PLCB1: variants seen among roughly 807,000 people sequenced by gnomAD.
PLCB1 encodes 1-phosphatidylinositol 4,5-bisphosphate phosphodiesterase beta-1.
PLCB1 carries 46 observed loss-of-function variants against 161.8 expected under a neutral mutation model. The observed-to-expected ratio is 0.28, with a 90% CI of 0.22 to 0.36. The LOEUF (loss-of-function observed/expected upper bound fraction) is 0.36. Ranked by LOEUF, PLCB1 falls within the 10% of genes least tolerant of loss-of-function variation. The probability of loss-of-function intolerance (pLI) is 1.00; values close to 1 mark genes in which losing one functional copy is unlikely to be tolerated. For synonymous variants in PLCB1, 517 were observed against 503.7 expected (o/e 1.03, Z -0.35); for missense variants, 1,016 against 1,472.5 (o/e 0.69, Z 5.07).
intron 11 of PLCB1, among the ~76,000 whole-genome samples, chr20:8,705,351 C>T (rs908417943): frequency 1.6e-4 from 24 of 152,140 alleles, no homozygotes; most frequent in Non-Finnish European, 3.2e-4. Flanking sequence ...TGTTTCTCTT[C>T]TGTCATATAT....
At chr20:8,571,224 C>T (rs1986501414) in intron 3 of PLCB1, among the ~76,000 whole-genome samples, 2 of 151,972 alleles carry the variant, frequency 1.3e-5, no homozygotes, top group South Asian at 4.2e-4. Flanking sequence ...GCCTGTAATC[C>T]CTATCCCAGC....
intron 3 of PLCB1, among the ~76,000 whole-genome samples, chr20:8,510,603 C>A (rs1983845431): frequency 6.6e-6 from 1 of 152,016 alleles, no homozygotes; most frequent in African/African-American, 2.4e-5. Context: ...GTTGGCCAGG[C>A]TGGTTTCCAA....
chr20:8,794,937 A>G (rs1983942999), intron 31 of PLCB1, among the ~76,000 whole-genome samples: 1 of 152,172 alleles, frequency 6.6e-6, no homozygotes, highest in Non-Finnish European at 1.5e-5. Context: ...TACACATGAA[A>G]CCTCATTCAA....
At chr20:8,513,147 A>G (rs1366533084) in intron 3 of PLCB1, among the ~76,000 whole-genome samples, 2 of 152,246 alleles carry the variant, frequency 1.3e-5, no homozygotes, top group East Asian at 3.8e-4. Context: ...ACAAACAAGT[A>G]CTGTGTGATT....
chr20:8,253,674 T>C (rs983375427), intron 2 of PLCB1, among the ~76,000 whole-genome samples: 4 of 151,996 alleles, frequency 2.6e-5, no homozygotes, highest in Non-Finnish European at 4.4e-5. Flanking sequence ...GTTTGTTACC[T>C]GGGAATATTG....
At chr20:8,235,897 G>A (rs558757320) in intron 2 of PLCB1, among the ~76,000 whole-genome samples, 1 of 152,038 alleles carries the variant, frequency 6.6e-6, no homozygotes, top group South Asian at 2.1e-4. Context: ...CTTAAGGCGT[G>A]TATAGGATTC....
Position 8,176,157 on chromosome 20 carries a change from G to T in PLCB1, c.177+25786G>T, listed in dbSNP as rs2051781387. ...TATGAAGCGTTGATCCCAGAAACAT[G>T]TTTTAAAAGTATGTTCACACAAAAA... is the stretch of plus-strand genomic sequence containing the variant. On this transcript the variant is annotated intron_variant, in intron 2 of 31. Coordinates refer to ENST00000338037, the MANE Select transcript of PLCB1 (RefSeq NM_015192.4). 1.3e-5 allele frequency among the ~76,000 whole-genome samples: 2 copies of T among 152,148 alleles called. 1 individual carries two copies. The highest frequency in any genetic ancestry group is 2.9e-5 in the Non-Finnish European group (2 of 68,026).
At chr20:8,609,859 A>C (rs1987855738) in intron 3 of PLCB1, among the ~76,000 whole-genome samples, 1 of 152,208 alleles carries the variant, frequency 6.6e-6, no homozygotes. Flanking sequence ...CATGGTATAC[A>C]CATCACAAAG....
chr20:8,259,507 T>G (rs1981590244), intron 2 of PLCB1, among the ~76,000 whole-genome samples: 1 of 152,020 alleles, frequency 6.6e-6, no homozygotes, highest in Admixed American at 6.6e-5. Flanking sequence ...TCCCAGCTAC[T>G]GGGGAGGCTG....
intron 3 of PLCB1, among the ~76,000 whole-genome samples, chr20:8,441,246 A>G (rs1163832671): frequency 1.3e-5 from 2 of 152,212 alleles, no homozygotes; most frequent in African/African-American, 4.8e-5. Flanking sequence ...GGTTAGCTCT[A>G]CAGAATTATA....
chr20:8,289,565 A>G (rs868394723), intron 2 of PLCB1, among the ~76,000 whole-genome samples: 32 of 152,200 alleles, frequency 2.1e-4, no homozygotes, highest in African/African-American at 7.5e-4. Flanking sequence ...ACAGCTGGCA[A>G]GAGATGGAAG....
At chr20:8,492,021 T>C (rs1293881405) in intron 3 of PLCB1, among the ~76,000 whole-genome samples, 1 of 152,158 alleles carries the variant, frequency 6.6e-6, no homozygotes, top group African/African-American at 2.4e-5. Context: ...TGACAGTAAG[T>C]AGAAATAACA....
At chr20:8,334,670 A>G (rs6055748) in intron 2 of PLCB1, among the ~76,000 whole-genome samples, 41,602 of 152,176 alleles carry the variant, frequency 0.27, 6,095 homozygotes, top group Non-Finnish European at 0.3. Context: ...AATTCCAGTC[A>G]CTTCTTGACA....
At chr20:8,148,921 A>G (rs1281091635) in intron 1 of PLCB1, among the ~76,000 whole-genome samples, 3 of 152,344 alleles carry the variant, frequency 2.0e-5, no homozygotes, top group African/African-American at 7.2e-5. Flanking sequence ...TATAGGGGCA[A>G]GAGGGAATGA....
intron 2 of PLCB1, among the ~76,000 whole-genome samples, chr20:8,154,546 A>G (rs2051540603): frequency 6.6e-6 from 1 of 152,160 alleles, no homozygotes; most frequent in Non-Finnish European, 1.5e-5. Context: ...TGGCTGTACC[A>G]TTTTATAACC....
intron 2 of PLCB1, among the ~76,000 whole-genome samples, chr20:8,261,493 C>T (rs375057540): frequency 6.6e-6 from 1 of 152,166 alleles, no homozygotes; most frequent in African/African-American, 2.4e-5. Flanking sequence ...CTATAAGATT[C>T]CAGCTTTGCG....
chr20:8,727,215 A>C (rs1979984753), intron 16 of PLCB1, 94 bp from the exon 17 acceptor site: 4 of 608,230 alleles, frequency 6.6e-6, no homozygotes, highest in Non-Finnish European at 1.1e-5. Context: ...AACTTCACTG[A>C]ATATTTACCC....
At chr20:8,438,499 C>T (rs1272335276) in intron 3 of PLCB1, among the ~76,000 whole-genome samples, 1 of 152,152 alleles carries the variant, frequency 6.6e-6, no homozygotes, top group Admixed American at 6.6e-5. Context: ...TGGGAGAAAA[C>T]AGTTACAAGA....
chr20:8,670,065 C>T (rs1007372196), intron 9 of PLCB1, among the ~76,000 whole-genome samples: 1 of 152,150 alleles, frequency 6.6e-6, no homozygotes, highest in African/African-American at 2.4e-5. Flanking sequence ...GTTTCCTACC[C>T]TCTGAGAACC....
Sources: allele counts gnomAD v4.1 joint callset (sites outside exome capture counted in the v4.1 genomes callset), GRCh38; gene constraint gnomAD v4.1.1; transcripts MANE v1.5; gene names NCBI Gene and HGNC (gene_info 2026-07-23, HGNC 2026-07-21).